Variants in C1orf122 observed in about 807,000 individuals in gnomAD.
C1orf122 encodes chromosome 1 open reading frame 122, also known as uncharacterized protein C1orf122.
Under a neutral mutation model 12.9 loss-of-function variants are expected in C1orf122, and 12 were observed. The ratio of observed to expected loss-of-function variants is 0.93; its 90% CI spans 0.60 to 1.51. The LOEUF (loss-of-function observed/expected upper bound fraction) is 1.51. Among genes scored for constraint, C1orf122 ranks in the 40% most tolerant of loss-of-function variants. The probability of loss-of-function intolerance (pLI) is 0.00; values close to 1 mark genes in which losing one functional copy is unlikely to be tolerated. For synonymous variants in C1orf122, 57 were observed against 73.4 expected (o/e 0.78, Z 1.14); for missense variants, 144 against 162.1 (o/e 0.89, Z 0.61).
rs1445891847 is a variant in C1orf122 at position 37,808,604 on chromosome 1, G to A, written c.109G>A (p.Glu37Lys). Residue 37 changes from glutamate (E) to lysine (K), a missense_variant, in exon 2 of 3, where the codon GAG becomes AAG. Coordinates refer to ENST00000373042, the MANE Select transcript of C1orf122 (RefSeq NM_198446.3). ...GGRPPPQPPR[E>K]ERAQQLLDAV... is the part of the protein sequence containing the mutation. ...GAGGCCACCCCCACAGCCGCCCCGGGAGGAGCGCGCCCAGCAGCTGCTGGA... is the reference window on the plus strand; with the variant it reads ...GAGGCCACCCCCACAGCCGCCCCGGAAGGAGCGCGCCCAGCAGCTGCTGGA... 7.7e-7 allele frequency: 1 copy of A among 1,306,118 alleles called. No individual in the cohort carries two copies. The highest frequency in any genetic ancestry group is 9.7e-7 in the Non-Finnish European group (1 of 1,029,506). 80.9% of individuals were successfully genotyped at this position (1,306,118 alleles called of 1,614,324 possible).
chr1:37,809,220 C>G lies in C1orf122; in HGVS notation c.*147C>G. 3.2e-6 allele frequency: 3 copies of G among 944,742 alleles called. No homozygotes were observed. The highest frequency in any genetic ancestry group is 5.3e-6 in the Non-Finnish European group (3 of 569,672). The allele number at this position is 944,742 out of a possible 1,614,324, so 58.5% of individuals were successfully genotyped here. On this transcript the variant is annotated 3_prime_UTR_variant, in exon 3 of 3. Coordinates refer to ENST00000373042, the MANE Select transcript of C1orf122 (RefSeq NM_198446.3). The stretch of plus-strand genomic sequence containing the variant: ...CCTGGAGTGGCAGCTCTGCTAGCAG[C>G]TGGGTTCACTCCCACTTCATCCTGG...
Position 37,807,825 on chromosome 1 carries a change from G to A in C1orf122, c.-580G>A, listed in dbSNP as rs1231442109. On this transcript the variant is annotated 5_prime_UTR_variant, in exon 1 of 3. Coordinates refer to ENST00000373042, the MANE Select transcript of C1orf122 (RefSeq NM_198446.3). ...GTCGGCCACGCGGCCGAGGCATACG[G>A]CCAGAGGCTTGGCCTCGCTGCGACC... 4 of 1,511,640 alleles carry A rather than the reference G, an allele frequency of 2.6e-6. No individual in the cohort carries two copies. Among genetic ancestry groups the A allele is most frequent in the Admixed American group, 2.0e-5 (1 of 49,156 alleles). The allele number at this position is 1,511,640 out of a possible 1,614,324, so 93.6% of individuals were successfully genotyped here.
In C1orf122 at chr1:37,809,198, G is replaced by A. The variant is rs558977338; in HGVS notation, c.*125G>A. Reference sequence around the variant, plus strand: ...GTGGCTGGTACTTGGCTCTCAGCCTGGAGTGGCAGCTCTGCTAGCAGCTGG... The same window carrying A: ...GTGGCTGGTACTTGGCTCTCAGCCTAGAGTGGCAGCTCTGCTAGCAGCTGG... On this transcript the variant is annotated 3_prime_UTR_variant, in exon 3 of 3. Coordinates refer to ENST00000373042, the MANE Select transcript of C1orf122 (RefSeq NM_198446.3). 2.7e-5 allele frequency: 31 copies of A among 1,142,722 alleles called. 1 individual carries two copies. The South Asian group carries it at 3.1e-4, about 11-fold the overall frequency. The allele number at this position is 1,142,722 out of a possible 1,614,324, so 70.8% of individuals were successfully genotyped here.
At position 37,808,692 on chromosome 1, in the gene C1orf122, G is replaced by A; in HGVS notation, c.197G>A (p.Arg66Gln). ...ATCGCAGCCTGCGAGGAGATGTTAC[G>A]GCAGCTGGGCCGCCGGCGCCCGGAG... is the stretch of plus-strand genomic sequence containing the variant. ...DTIAACEEMLRQLGRRRPEPA... is the reference protein window; with the variant it reads ...DTIAACEEMLQQLGRRRPEPA... The change falls in exon 2 of 3, where the codon CGG (arginine) becomes CAG (glutamine). Residue 66 changes from arginine to glutamine, a missense_variant. Transcript: ENST00000373042. The A allele has an allele frequency of 1.4e-6, 2 of 1,426,494 alleles. No homozygotes were observed. The highest frequency in any genetic ancestry group is 2.7e-5 in the East Asian group (1 of 36,884). The allele number at this position is 1,426,494 out of a possible 1,614,324, so 88.4% of individuals were successfully genotyped here. A position where few individuals can be genotyped will look rare whatever the true frequency, so the allele number is the denominator to read the frequency against.
chr1:37,808,319 C>T lies in C1orf122; in HGVS notation c.-86C>T, dbSNP rs2148392777. ...TTGAAGGAGACCGGTGGGGACGGGG[C>T]GGGGCGCAGCCTTGCGAAGCCCTAA... On this transcript the variant is annotated 5_prime_UTR_variant, in exon 1 of 3. Coordinates refer to ENST00000373042, the MANE Select transcript of C1orf122 (RefSeq NM_198446.3). 1.6e-6 allele frequency: 2 copies of T among 1,267,884 alleles called. No individual in the cohort carries two copies. Among genetic ancestry groups the T allele is most frequent in the South Asian group, 2.7e-5 (1 of 37,050 alleles). 78.5% of individuals were successfully genotyped at this position (1,267,884 alleles called of 1,614,324 possible). A position where few individuals can be genotyped will look rare whatever the true frequency, so the allele number is the denominator to read the frequency against.
chr1:37,808,845 CTAACCTCCTT>C (rs1646764378), intron 2 of C1orf122, 113 bp downstream of exon 2: 1 of 1,438,508 alleles, frequency 7.0e-7, no homozygotes, highest in Non-Finnish European at 9.3e-7. Flanking sequence ...CGCTTTATCC[CTAACCTCCTT>C]TGATCTGGTG....
rs755170769 is a variant in C1orf122, at chr1:37,808,215, C to T, written c.-190C>T. On this transcript the variant is annotated 5_prime_UTR_variant, in exon 1 of 3. Coordinates refer to ENST00000373042, the MANE Select transcript of C1orf122 (RefSeq NM_198446.3). ...CCCGCTTCCGGGAGGAAGTGACGCTCCCAGCCAGCTTCCGGTCCAGGAGAC... is the reference window on the plus strand; with the variant it reads ...CCCGCTTCCGGGAGGAAGTGACGCTTCCAGCCAGCTTCCGGTCCAGGAGAC... 349 of 1,404,254 alleles carry T rather than the reference C, an allele frequency of 2.5e-4. No homozygotes were observed. The highest frequency in any genetic ancestry group is 1.7e-4 in the Non-Finnish European group (185 of 1,083,468). 87.0% of individuals were successfully genotyped at this position (1,404,254 alleles called of 1,614,324 possible).
At position 37,808,514 on chromosome 1, in the gene C1orf122, C is replaced by G. The variant is rs1038415024; in HGVS notation, c.36-17C>G. On this transcript the variant is annotated splice_polypyrimidine_tract_variant and intron_variant, in intron 1 of 2. Transcript: ENST00000373042. Reference sequence around the variant, plus strand: ...GCGCCGGCCCTGACCGTCTGTCTCTCGCTCTCTCCCGGGCAGGGAGGCTGC... The same window carrying G: ...GCGCCGGCCCTGACCGTCTGTCTCTGGCTCTCTCCCGGGCAGGGAGGCTGC... The G allele has an allele frequency of 3.9e-6, 5 of 1,289,504 alleles. No homozygotes were observed. Among genetic ancestry groups the G allele is most frequent in the East Asian group, 3.1e-5 (1 of 31,804 alleles). 79.9% of individuals were successfully genotyped at this position (1,289,504 alleles called of 1,614,324 possible). A position where few individuals can be genotyped will look rare whatever the true frequency, so the allele number is the denominator to read the frequency against.
chr1:37,807,920 G>C lies in C1orf122; in HGVS notation c.-485G>C, dbSNP rs2148392308. The C allele has an allele frequency of 7.8e-7, 1 of 1,280,890 alleles. No individual in the cohort carries two copies. The highest frequency in any genetic ancestry group is 1.5e-5 in the African/African-American group (1 of 65,050). The allele number at this position is 1,280,890 out of a possible 1,614,324, so 79.3% of individuals were successfully genotyped here. A position where few individuals can be genotyped will look rare whatever the true frequency, so the allele number is the denominator to read the frequency against. The stretch of plus-strand genomic sequence containing the variant: ...CGCAGGCCAGGCCGTACAGCGTATC[G>C]GTGGGGACGGCCACCACGGCGCCGG... On this transcript the variant is annotated 5_prime_UTR_variant, in exon 1 of 3. Transcript: ENST00000373042.
At chr1:37,808,893 C>G in intron 2 of C1orf122, 85 bp from the exon 3 acceptor site, 5 of 1,491,234 alleles carry the variant, frequency 3.4e-6, no homozygotes, top group Non-Finnish European at 4.5e-6. Flanking sequence ...TAATACTATC[C>G]AAATGCCAAA....
Position 37,808,289 on chromosome 1 carries a change from G to A in C1orf122, c.-116G>A. On this transcript the variant is annotated 5_prime_UTR_variant, in exon 1 of 3. Transcript: ENST00000373042. ...AGCTTAAAGGGACCACGACCCCCAG[G>A]AGGATTGAAGGAGACCGGTGGGGAC... 7.8e-7 allele frequency: 1 copy of A among 1,289,786 alleles called. No homozygotes were observed. The highest frequency in any genetic ancestry group is 9.8e-7 in the Non-Finnish European group (1 of 1,019,274). 79.9% of individuals were successfully genotyped at this position (1,289,786 alleles called of 1,614,324 possible). A position where few individuals can be genotyped will look rare whatever the true frequency, so the allele number is the denominator to read the frequency against.
At position 37,808,570 on chromosome 1, in the gene C1orf122, G is replaced by C; in HGVS notation, c.75G>C (p.Gly25=). 7.7e-7 allele frequency: 1 copy of C among 1,298,062 alleles called. No individual in the cohort carries two copies. The highest frequency in any genetic ancestry group is 9.8e-7 in the Non-Finnish European group (1 of 1,025,032). The allele number at this position is 1,298,062 out of a possible 1,614,324, so 80.4% of individuals were successfully genotyped here. The change falls in exon 2 of 3, where the codon GGG becomes GGC. Residue 25 remains glycine, a synonymous_variant. Transcript: ENST00000373042. ...TGGACCGCGGGAAGGCGGGGCTGGG[G>C]CTCGGCGGGAGGCCACCCCCACAGC... ...AGVDRGKAGL[G]LGGRPPPQPP... is the part of the protein sequence containing the mutation.
intron 2 of C1orf122, 72 bp downstream of exon 2, chr1:37,808,804 C>A: frequency 6.8e-7 from 1 of 1,467,772 alleles, no homozygotes; most frequent in Non-Finnish European, 9.0e-7. Context: ...CAAGCCCTAG[C>A]TTACCCTGGA....
chr1:37,807,885 C>T lies in C1orf122; in HGVS notation c.-520C>T, dbSNP rs964436323. The stretch of plus-strand genomic sequence containing the variant: ...GTACACAGCGCGCAGAGCCGCCGAG[C>T]AGCTCGCCGCGCAGGCCAGGCCGTA... On this transcript the variant is annotated 5_prime_UTR_variant, in exon 1 of 3. Transcript: ENST00000373042. 6.9e-7 allele frequency: 1 copy of T among 1,455,204 alleles called. No individual in the cohort carries two copies. The highest frequency in any genetic ancestry group is 9.1e-7 in the Non-Finnish European group (1 of 1,101,650). The allele number at this position is 1,455,204 out of a possible 1,614,324, so 90.1% of individuals were successfully genotyped here. A position where few individuals can be genotyped will look rare whatever the true frequency, so the allele number is the denominator to read the frequency against.
Position 37,808,644 on chromosome 1 carries a change from G to A in C1orf122, c.149G>A (p.Arg50Gln), listed in dbSNP as rs771163612. The A allele has an allele frequency of 7.5e-7, 1 of 1,333,148 alleles. No homozygotes were observed. The highest frequency in any genetic ancestry group is 9.6e-7 in the Non-Finnish European group (1 of 1,044,888). 82.6% of individuals were successfully genotyped at this position (1,333,148 alleles called of 1,614,324 possible). A position where few individuals can be genotyped will look rare whatever the true frequency, so the allele number is the denominator to read the frequency against. The change falls in exon 2 of 3, where the codon CGG (arginine) becomes CAG (glutamine). Residue 50 changes from arginine to glutamine, a missense_variant. Arg to Gln is a conservative substitution (Grantham distance 43). Transcript: ENST00000373042. ...CAGCTGCTGGACGCGGTGGAGCAGC[G>A]GCAGCGGCAGCTCCTGGACACCATC... Reference protein sequence around the residue: ...AQQLLDAVEQRQRQLLDTIAA... With the variant: ...AQQLLDAVEQQQRQLLDTIAA...
Position 37,808,374 on chromosome 1 carries a change from G to T in C1orf122, c.-31G>T. 6 of 1,287,580 alleles carry T rather than the reference G, an allele frequency of 4.7e-6. No individual in the cohort carries two copies. Among genetic ancestry groups the T allele is most frequent in the Non-Finnish European group, 5.9e-6 (6 of 1,019,096 alleles). The allele number at this position is 1,287,580 out of a possible 1,614,324, so 79.8% of individuals were successfully genotyped here. The stretch of plus-strand genomic sequence containing the variant: ...GCGCTGGGGAGGGGGGCGGCCGAAA[G>T]GGGGGCGGTGGTCGGGCCGCGCAAG... On this transcript the variant is annotated 5_prime_UTR_variant, in exon 1 of 3. In the 5' UTR this introduces an upstream ATG that the reference lacks. Coordinates refer to ENST00000373042, the MANE Select transcript of C1orf122 (RefSeq NM_198446.3).
At position 37,808,004 on chromosome 1, in the gene C1orf122, C is replaced by A; in HGVS notation, c.-401C>A. 1 of 1,209,172 alleles carries A rather than the reference C, an allele frequency of 8.3e-7. No individual in the cohort carries two copies. Among genetic ancestry groups the A allele is most frequent in the Non-Finnish European group, 1.0e-6 (1 of 974,054 alleles). The allele number at this position is 1,209,172 out of a possible 1,614,324, so 74.9% of individuals were successfully genotyped here. A position where few individuals can be genotyped will look rare whatever the true frequency, so the allele number is the denominator to read the frequency against. ...CGGTCCAGCCGGCGCGCTCCGGGCT[C>A]GCGGCCTGCACGGCCCCGCTCCCCG... is the stretch of plus-strand genomic sequence containing the variant. On this transcript the variant is annotated 5_prime_UTR_variant, in exon 1 of 3. Transcript: ENST00000373042.
chr1:37,808,390 G>A lies in C1orf122; in HGVS notation c.-15G>A. ...CGGCCGAAAGGGGGGCGGTGGTCGG[G>A]CCGCGCAAGCGGAGATGGAATGGGG... is the stretch of plus-strand genomic sequence containing the variant. On this transcript the variant is annotated 5_prime_UTR_variant, in exon 1 of 3. Coordinates refer to ENST00000373042, the MANE Select transcript of C1orf122 (RefSeq NM_198446.3). The A allele has an allele frequency of 7.8e-7, 1 of 1,289,182 alleles. No individual in the cohort carries two copies. 79.9% of individuals were successfully genotyped at this position (1,289,182 alleles called of 1,614,324 possible). A position where few individuals can be genotyped will look rare whatever the true frequency, so the allele number is the denominator to read the frequency against.
intron 2 of C1orf122, 100 bp from the exon 3 acceptor site, chr1:37,808,878 A>G: frequency 6.8e-6 from 10 of 1,464,498 alleles, no homozygotes; most frequent in Non-Finnish European, 9.2e-6. Flanking sequence ...AGGTTTCGAA[A>G]AAGTTAATAC....
Sources: allele counts gnomAD v4.1 joint callset, GRCh38; gene constraint gnomAD v4.1.1; transcripts MANE v1.5; gene names NCBI Gene and HGNC (gene_info 2026-07-23, HGNC 2026-07-21).